COG4: variants seen among roughly 807,000 people sequenced by gnomAD.
COG4 encodes the protein conserved oligomeric Golgi complex subunit 4.
In COG4, 65 loss-of-function variants were observed where a neutral mutation model predicts 95.1. That is an observed-to-expected ratio of 0.68 (90% CI 0.56 to 0.84). The LOEUF is 0.84. Among genes scored for constraint, COG4 ranks in the 40% least tolerant of loss-of-function variants. COG4 has a pLI of 0.00. For missense variants in COG4, 1,045 were observed against 989.1 expected, an observed-to-expected ratio of 1.06 and a Z score of -0.76; for synonymous variants, 421 against 374.8, an observed-to-expected ratio of 1.12 and a Z score of -1.42.
chr16:70,502,317 G>A (rs1450090331), intron 8 of COG4, among the ~76,000 whole-genome samples: 4 of 132,106 alleles, frequency 3.0e-5, no homozygotes, highest in Non-Finnish European at 4.7e-5. Flanking sequence ...AAAAGAGGCC[G>A]GGCGCAGTGG....
intron 5 of COG4, among the ~76,000 whole-genome samples, chr16:70,510,920 T>C (rs1244151664): frequency 1.3e-5 from 2 of 152,096 alleles, no homozygotes; most frequent in East Asian, 1.9e-4. Flanking sequence ...CCCGCCAACA[T>C]GCCCGGCTAA....
chr16:70,522,576 C>T (rs140060901), intron 1 of COG4, among the ~76,000 whole-genome samples: 147 of 152,356 alleles, frequency 9.6e-4, no homozygotes, highest in African/African-American at 3.4e-3. Context: ...ACCTCTCCCT[C>T]AGGCTGAAAC....
In COG4 at chr16:70,519,687, G is replaced by A. The variant is rs1322717760; in HGVS notation, c.216C>T (p.Asn72=). The change falls in exon 2 of 19, where the codon AAC becomes AAT. Residue 72 remains asparagine (N), a synonymous_variant. Transcript: ENST00000323786. ...GAGTGACCATCTTACTTTCAATGGT[G>A]TTTTGCTGTTCCAAAAGAGCATCCA... The part of the protein sequence containing the change: ...RELDALLEQQ[N]TIESKMVTLH... 1 of 1,613,816 alleles carries A rather than the reference G, an allele frequency of 6.2e-7. No individual in the cohort carries two copies. Among genetic ancestry groups the A allele is most frequent in the African/African-American group, 1.3e-5 (1 of 74,930 alleles).
At chr16:70,520,788 T>C (rs1351796415) in intron 1 of COG4, among the ~76,000 whole-genome samples, 2 of 152,192 alleles carry the variant, frequency 1.3e-5, no homozygotes, top group African/African-American at 4.8e-5. Flanking sequence ...TCAAGCCATT[T>C]ATTGTGCAAC....
intron 3 of COG4, among the ~76,000 whole-genome samples, 192 bp downstream of exon 3, chr16:70,517,434 A>C (rs888284768): frequency 6.6e-6 from 1 of 151,662 alleles, no homozygotes; most frequent in African/African-American, 2.4e-5. Context: ...CAAAAAATAC[A>C]AAAACTAGCT....
intron 9 of COG4, among the ~76,000 whole-genome samples, chr16:70,500,240 G>A (rs536180533): frequency 6.6e-6 from 1 of 152,164 alleles, no homozygotes; most frequent in South Asian, 2.1e-4. Context: ...AAAGTGTTGG[G>A]ATTACAGGTG....
intron 3 of COG4, among the ~76,000 whole-genome samples, chr16:70,516,241 T>C (rs1199443704): frequency 6.6e-6 from 1 of 152,194 alleles, no homozygotes; most frequent in African/African-American, 2.4e-5. Context: ...CACTTGGTCA[T>C]AGTATATAAT....
At chr16:70,522,457 T>C (rs997160024) in intron 1 of COG4, among the ~76,000 whole-genome samples, 1 of 151,984 alleles carries the variant, frequency 6.6e-6, no homozygotes, top group African/African-American at 2.4e-5. Context: ...TTTCTAAAAA[T>C]AACAAAACAA....
At chr16:70,484,380 T>C (rs956621537) in intron 13 of COG4, among the ~76,000 whole-genome samples, 7 of 152,232 alleles carry the variant, frequency 4.6e-5, no homozygotes, top group African/African-American at 7.2e-5. Flanking sequence ...CCTAGCTCAA[T>C]GCCTGGCACA....
chr16:70,508,357 A>T lies in COG4; in HGVS notation c.1061+49T>A, dbSNP rs1477858783. 4 of 1,432,554 alleles carry T rather than the reference A, an allele frequency of 2.8e-6. No individual in the cohort carries two copies. In the Admixed American group the frequency reaches 6.7e-5, roughly 24 times the overall value. The allele number at this position is 1,432,554 out of a possible 1,614,324, so 88.7% of individuals were successfully genotyped here. On this transcript the variant is annotated intron_variant, in intron 8 of 18. Coordinates refer to ENST00000323786, the MANE Select transcript of COG4 (RefSeq NM_015386.3). ...AGAGTAGTCTGAATTATATTACATG[A>T]TTACCAATTCAAACTCCTGTGGGCT... is the stretch of plus-strand genomic sequence containing the variant.
chr16:70,487,887 C>T (rs990597603), intron 13 of COG4, among the ~76,000 whole-genome samples: 8 of 151,762 alleles, frequency 5.3e-5, no homozygotes, highest in Non-Finnish European at 1.2e-4. Flanking sequence ...TGCAGGTGCA[C>T]GATCTCGGCT....
In COG4 at chr16:70,509,064, T is replaced by C. The variant is rs937436808; in HGVS notation, c.1002+167A>G. On this transcript the variant is annotated intron_variant, in intron 7 of 18. Coordinates refer to ENST00000323786, the MANE Select transcript of COG4 (RefSeq NM_015386.3). ...ATCATCATCTCGACAACACCTCAAG[T>C]CCAAAGTAAGCTGTCAATGGGCAAG... 4.9e-6 allele frequency: 4 copies of C among 822,350 alleles called. No individual in the cohort carries two copies. The African/African-American group carries it at 5.1e-5, about 10-fold the overall frequency. The allele number at this position is 822,350 out of a possible 1,614,324, so 50.9% of individuals were successfully genotyped here. A position where few individuals can be genotyped will look rare whatever the true frequency, so the allele number is the denominator to read the frequency against.
chr16:70,490,195 C>A, intron 13 of COG4, 135 bp downstream of exon 13: 1 of 768,168 alleles, frequency 1.3e-6, no homozygotes, highest in Non-Finnish European at 2.3e-6. Flanking sequence ...GCTATCATGT[C>A]AGTCACCAAA....
At position 70,492,856 on chromosome 16, in the gene COG4, G is replaced by C. The variant is rs1366004076; in HGVS notation, c.1648-2464C>G. 2.6e-5 allele frequency among the ~76,000 whole-genome samples: 4 copies of C among 151,812 alleles called. No individual in the cohort carries two copies. The East Asian group carries it at 7.7e-4, about 29-fold the overall frequency. The stretch of plus-strand genomic sequence containing the variant: ...CAGGTGCCTGTAATCCCAGCTACTT[G>C]GGGGGCTGAGGCAGGAGAATCGCTT... On this transcript the variant is annotated intron_variant, in intron 12 of 18. Coordinates refer to ENST00000323786, the MANE Select transcript of COG4 (RefSeq NM_015386.3).
rs1159004322 is a variant in COG4 at position 70,509,344 on chromosome 16, A to G, written c.889T>C (p.Tyr297His). Residue 297 changes from tyrosine (Y) to histidine (H), a missense_variant, in exon 7 of 19, where the codon TAT becomes CAT. Coordinates refer to ENST00000323786, the MANE Select transcript of COG4 (RefSeq NM_015386.3). ...VETHQPIVET[Y>H]YGPGRLYTLI... ...GTATAGAGTCTCCCTGGCCCATAATAGGTCTCCACTATTGGCTGGTGGGTC... is the reference window on the plus strand; with the variant it reads ...GTATAGAGTCTCCCTGGCCCATAATGGGTCTCCACTATTGGCTGGTGGGTC... 1.9e-6 allele frequency: 3 copies of G among 1,614,080 alleles called. No homozygotes were observed. The African/African-American group carries it at 4.0e-5, about 22-fold the overall frequency.
chr16:70,493,311 G>A (rs1043625715), intron 12 of COG4, among the ~76,000 whole-genome samples: 4 of 151,984 alleles, frequency 2.6e-5, no homozygotes, highest in Admixed American at 2.0e-4. Context: ...CTTTCTGCTT[G>A]ATGGAAATAT....
chr16:70,494,302 T>C (rs1232075524), intron 12 of COG4, among the ~76,000 whole-genome samples: 2 of 152,214 alleles, frequency 1.3e-5, no homozygotes, highest in African/African-American at 2.4e-5. Context: ...GTTTCCCCTG[T>C]ACTGACAGCC....
intron 13 of COG4, among the ~76,000 whole-genome samples, chr16:70,485,990 G>A (rs2049125043): frequency 6.6e-6 from 1 of 151,744 alleles, no homozygotes; most frequent in Non-Finnish European, 1.5e-5. Context: ...CCGCCTCCTG[G>A]GTTCACGCCA....
At chr16:70,486,368 G>A (rs1191841774) in intron 13 of COG4, among the ~76,000 whole-genome samples, 1 of 152,160 alleles carries the variant, frequency 6.6e-6, no homozygotes, top group Non-Finnish European at 1.5e-5. Flanking sequence ...AGAACTAAGA[G>A]GGACTCTCCT....
Sources: allele counts gnomAD v4.1 joint callset (sites outside exome capture counted in the v4.1 genomes callset), GRCh38; gene constraint gnomAD v4.1.1; transcripts MANE v1.5; gene names NCBI Gene and HGNC (gene_info 2026-07-23, HGNC 2026-07-21).